The following SHLD2 variants were observed in gnomAD, a reference collection of about 807,000 sequenced individuals.
SHLD2 encodes the protein shieldin complex subunit 2.
A neutral mutation model predicts 73.2 loss-of-function variants in SHLD2; 30 were observed. The ratio of observed to expected loss-of-function variants is 0.41; its 90% confidence interval spans 0.31 to 0.56. SHLD2 has a LOEUF of 0.56. Ranked by LOEUF, SHLD2 falls within the 20% of genes least tolerant of loss-of-function variation. The pLI is 0.28. For missense variants in SHLD2, 745 were observed against 1,055.9 expected, an observed-to-expected ratio of 0.71 and a Z score of 4.08; for synonymous variants, 285 against 370.1, an observed-to-expected ratio of 0.77 and a Z score of 2.64.
intron 2 of SHLD2, among the ~76,000 whole-genome samples, chr10:87,148,340 A>T (rs1004677874): frequency 1.3e-5 from 2 of 152,212 alleles, no homozygotes; most frequent in African/African-American, 2.4e-5. Context: ...GAATTCCAAT[A>T]TGGTGGTCTC....
intron 2 of SHLD2, among the ~76,000 whole-genome samples, chr10:87,129,860 T>A (rs1564588370): frequency 6.6e-6 from 1 of 152,030 alleles, no homozygotes; most frequent in Non-Finnish European, 1.5e-5. Context: ...GCGCCAAGCA[T>A]TTCTCTTGCC....
chr10:87,183,551 T>G (rs934734973), intron 8 of SHLD2, among the ~76,000 whole-genome samples: 9 of 152,190 alleles, frequency 5.9e-5, no homozygotes, highest in African/African-American at 2.2e-4. Context: ...ACATTACATC[T>G]CCCTCTTGTC....
chr10:87,094,682 G>A (rs1254031052), upstream of SHLD2: 5 of 1,511,254 alleles, frequency 3.3e-6, no homozygotes, highest in South Asian at 6.2e-5. This position sits in a 1 kb window ranked among gnomAD's most constrained non-coding sequence, Gnocchi z 6.6. Context: ...GCCCAGCCCA[G>A]CAACGCGGCC....
intron 8 of SHLD2, among the ~76,000 whole-genome samples, chr10:87,182,437 T>A (rs1273781261): frequency 6.6e-6 from 1 of 152,196 alleles, no homozygotes; most frequent in Non-Finnish European, 1.5e-5. Flanking sequence ...TGGTTGTAAC[T>A]TGGAGCTGAT....
intron 2 of SHLD2, among the ~76,000 whole-genome samples, chr10:87,100,947 A>AT (rs956493696): frequency 6.6e-6 from 1 of 152,210 alleles, no homozygotes; most frequent in African/African-American, 2.4e-5. Context: ...CTGTAGATCA[A>AT]TTTGGGAATT....
At chr10:87,177,815 C>T (rs1848040102) in intron 7 of SHLD2, among the ~76,000 whole-genome samples, 3 of 152,162 alleles carry the variant, frequency 2.0e-5, no homozygotes, top group South Asian at 2.1e-4. Context: ...TTTCAGTGCT[C>T]AGCCGGAGTG....
chr10:87,161,715 A>C (rs190790937), intron 4 of SHLD2, among the ~76,000 whole-genome samples: 1 of 152,220 alleles, frequency 6.6e-6, no homozygotes, highest in Non-Finnish European at 1.5e-5. Flanking sequence ...TGTAAATTCA[A>C]TGTAGTTCCA....
chr10:87,120,262 T>A (rs1425752117), intron 2 of SHLD2, among the ~76,000 whole-genome samples: 2 of 109,722 alleles, frequency 1.8e-5, no homozygotes, highest in Non-Finnish European at 4.0e-5. Context: ...TTATTTATTT[T>A]TTTGAGACAG....
chr10:87,158,550 G>A (rs1354553234), intron 4 of SHLD2, among the ~76,000 whole-genome samples: 2 of 152,104 alleles, frequency 1.3e-5, no homozygotes, highest in Non-Finnish European at 2.9e-5. Context: ...GAACTTCTGA[G>A]CCTCTGATTA....
At chr10:87,176,142 A>G in intron 7 of SHLD2, 47 bp downstream of exon 7, 1 of 1,546,962 alleles carries the variant, frequency 6.5e-7, no homozygotes, top group South Asian at 1.2e-5. Context: ...TTTCTTTTGA[A>G]ACAGGGTCTT....
At position 87,186,162 on chromosome 10, in the gene SHLD2, GGAAA is replaced by G. The variant is rs1459219226; in HGVS notation, c.2400-920_2400-917del. 5.3e-5 allele frequency among the ~76,000 whole-genome samples: 8 copies of G among 152,246 alleles called. No individual in the cohort carries two copies. The Middle Eastern group carries it at 0.01, about 194-fold the overall frequency. On this transcript the variant is annotated intron_variant, in intron 8 of 9. Coordinates refer to ENST00000298786, the MANE Select transcript of SHLD2 (RefSeq NM_001330112.2). Reference sequence around the variant, plus strand: ...AATAATGGAGGGAGAGAGAGGCTGAGGAAAGAGTGTAGAGTGAAAAGAGGAAGGA... The same window carrying G: ...AATAATGGAGGGAGAGAGAGGCTGAGGAGTGTAGAGTGAAAAGAGGAAGGA...
chr10:87,123,736 T>C (rs1843789652), intron 2 of SHLD2, among the ~76,000 whole-genome samples: 1 of 152,212 alleles, frequency 6.6e-6, no homozygotes, highest in South Asian at 2.1e-4. Context: ...CCTCATGGCA[T>C]AGTGTTGTCC....
In SHLD2 at chr10:87,106,134, G is replaced by C. The variant is rs376488133; in HGVS notation, c.-6+9145G>C. Among the ~76,000 whole-genome samples the C allele has an allele frequency of 2.6e-5, 4 of 152,324 alleles. No individual in the cohort carries two copies. In the East Asian group the frequency reaches 7.7e-4, roughly 29 times the overall value. ...TTCTCCTGCCTCAGCCTCCCCAGTA[G>C]CTGGGATTACAGGCACCTGCTACCA... On this transcript the variant is annotated intron_variant, in intron 2 of 9. Coordinates refer to ENST00000298786, the MANE Select transcript of SHLD2 (RefSeq NM_001330112.2).
intron 2 of SHLD2, among the ~76,000 whole-genome samples, chr10:87,136,355 C>A (rs1164780709): frequency 6.6e-6 from 1 of 150,848 alleles, no homozygotes; most frequent in African/African-American, 2.4e-5. Flanking sequence ...TTAGTATATG[C>A]TTTATCTAGT....
intron 2 of SHLD2, among the ~76,000 whole-genome samples, chr10:87,132,093 A>G (rs923174757): frequency 6.6e-5 from 10 of 152,126 alleles, no homozygotes; most frequent in Non-Finnish European, 1.5e-4. Context: ...AGAGTTCTTT[A>G]TACATTCTGG....
intron 2 of SHLD2, among the ~76,000 whole-genome samples, chr10:87,135,254 T>C (rs1844721648): frequency 6.6e-6 from 1 of 152,102 alleles, no homozygotes; most frequent in African/African-American, 2.4e-5. Context: ...GTCCATACTT[T>C]ATTTACCTAA....
At chr10:87,128,963 C>T (rs534846671) in intron 2 of SHLD2, among the ~76,000 whole-genome samples, 81 of 151,468 alleles carry the variant, frequency 5.3e-4, no homozygotes, top group African/African-American at 1.8e-3. Flanking sequence ...AGTGCAGTGG[C>T]ATGATCTTGG....
At chr10:87,179,701 C>A (rs1459458015) in intron 7 of SHLD2, among the ~76,000 whole-genome samples, 1 of 151,922 alleles carries the variant, frequency 6.6e-6, no homozygotes, top group Non-Finnish European at 1.5e-5. Context: ...GCGCCCGGCC[C>A]CTATTTGGCT....
At chr10:87,106,489 A>G (rs1259347688) in intron 2 of SHLD2, among the ~76,000 whole-genome samples, 1 of 152,222 alleles carries the variant, frequency 6.6e-6, no homozygotes, top group Non-Finnish European at 1.5e-5. Context: ...TATACAGTAA[A>G]CAGTCTTCAA....
Sources: gnomAD v4.1 joint callset for allele counts (sites outside exome capture counted in the v4.1 genomes callset) on GRCh38, gnomAD v4.1.1 for gene constraint, Gnocchi (gnomAD v3.1) non-coding constraint, MANE v1.5 for transcripts, NCBI Gene and HGNC (gene_info 2026-07-23, HGNC 2026-07-21) for gene names.